MMUT: variants seen among roughly 807,000 people sequenced by gnomAD.
MMUT encodes methylmalonyl-CoA mutase, also known as methylmalonyl-CoA mutase, mitochondrial.
A neutral mutation model predicts 79.9 loss-of-function variants in MMUT; 79 were observed. That is an observed-to-expected ratio of 0.99 (90% CI 0.82 to 1.19). The LOEUF (loss-of-function observed/expected upper bound fraction) is 1.19, where lower values mean the gene tolerates loss of function less well. Ranked by LOEUF, MMUT falls within the 50% of genes most tolerant of loss-of-function variation. The pLI is 0.00. For missense variants in MMUT, 860 were observed against 917.2 expected (o/e 0.94, Z 0.81); for synonymous variants, 273 against 295.7 (o/e 0.92, Z 0.79).
rs887126161 is a variant in MMUT at position 49,448,840 on chromosome 6, G to A, written c.1420C>T (p.Arg474Ter). 6.8e-6 allele frequency: 11 copies of A among 1,613,018 alleles called. No individual in the cohort carries two copies. Among genetic ancestry groups the A allele is most frequent in the South Asian group, 2.2e-5 (2 of 91,030 alleles). ...CCAGAATCTATTCTAGCTTGTCTTC[G>A]GGCAGCACATTCTTCAATTCGAAGT... is the stretch of plus-strand genomic sequence containing the variant. ...PKLRIEECAA[R>*]RQARIDSGSE... The change falls in exon 7 of 13, where the codon CGA becomes TGA. Residue 474 changes from arginine (R) to a stop codon, truncating the protein, a stop_gained. Coordinates refer to ENST00000274813, the MANE Select transcript of MMUT (RefSeq NM_000255.4). LOFTEE classifies it high-confidence loss of function.
At chr6:49,451,414 C>A (rs1157833177) in intron 6 of MMUT, 52 bp downstream of exon 6, 4 of 1,583,216 alleles carry the variant, frequency 2.5e-6, no homozygotes, top group Admixed American at 3.4e-5. Flanking sequence ...ATCTATAAAT[C>A]TTTACAAATC....
At chr6:49,454,391 T>A (rs1767635535) in intron 4 of MMUT, among the ~76,000 whole-genome samples, 1 of 152,186 alleles carries the variant, frequency 6.6e-6, no homozygotes, top group South Asian at 2.1e-4. Context: ...CACTGCAACC[T>A]CCACTTCCCA....
At chr6:49,458,963 G>C in intron 2 of MMUT, 119 bp downstream of exon 2, 2 of 1,038,710 alleles carry the variant, frequency 1.9e-6, no homozygotes, top group South Asian at 1.7e-5. Context: ...TCAGAGTATA[G>C]TCTTTAACTA....
intron 6 of MMUT, among the ~76,000 whole-genome samples, chr6:49,449,212 A>C (rs900368834): frequency 6.6e-6 from 1 of 152,114 alleles, no homozygotes; most frequent in East Asian, 1.9e-4. Context: ...CTTTATTTTT[A>C]GGTACATAAA....
intron 1 of MMUT, among the ~76,000 whole-genome samples, chr6:49,462,356 C>T (rs1023755067): frequency 6.6e-6 from 1 of 152,182 alleles, no homozygotes; most frequent in Non-Finnish European, 1.5e-5. Flanking sequence ...CACATTAATA[C>T]TTCAAGAAGG....
At chr6:49,451,984 A>G (rs1033757784) in intron 5 of MMUT, among the ~76,000 whole-genome samples, 2 of 152,200 alleles carry the variant, frequency 1.3e-5, no homozygotes, top group Admixed American at 6.5e-5. Context: ...TTCTATAAGT[A>G]TATCAACAAT....
chr6:49,458,588 C>G (rs1440400289), intron 2 of MMUT, among the ~76,000 whole-genome samples: 2 of 152,178 alleles, frequency 1.3e-5, no homozygotes, highest in Non-Finnish European at 2.9e-5. Flanking sequence ...GCAATACAAA[C>G]TTATAAATCT....
intron 1 of MMUT, among the ~76,000 whole-genome samples, chr6:49,460,999 T>C (rs1316378862): frequency 6.6e-6 from 1 of 152,234 alleles, no homozygotes; most frequent in South Asian, 2.1e-4. Flanking sequence ...AAAATAGATG[T>C]TTCCTATAGT....
rs747589392 is a variant in MMUT, at chr6:49,448,845, G to C, written c.1415C>G (p.Ala472Gly). The change falls in exon 7 of 13, where the codon GCT (alanine) becomes GGT (glycine). Residue 472 changes from alanine to glycine, a missense_variant. Physicochemically the swap from Ala to Gly is moderately conservative, Grantham distance 60. Coordinates refer to ENST00000274813, the MANE Select transcript of MMUT (RefSeq NM_000255.4). Reference protein sequence around the residue: ...GIPKLRIEECAARRQARIDSG... With the variant: ...GIPKLRIEECGARRQARIDSG... ...ATCTATTCTAGCTTGTCTTCGGGCA[G>C]CACATTCTTCAATTCGAAGTTTAGG... The C allele has an allele frequency of 6.2e-7, 1 of 1,613,252 alleles. No homozygotes were observed. The highest frequency in any genetic ancestry group is 1.1e-5 in the South Asian group (1 of 91,062).
chr6:49,456,317 C>T (rs888669342), intron 3 of MMUT, 80 bp from the exon 4 acceptor site: 36 of 983,508 alleles, frequency 3.7e-5, no homozygotes, highest in Non-Finnish European at 5.2e-5. Flanking sequence ...TAAGCATAAA[C>T]ATTATTTTAA....
chr6:49,454,908 T>C (rs912539060), intron 4 of MMUT, among the ~76,000 whole-genome samples: 2 of 152,020 alleles, frequency 1.3e-5, no homozygotes, highest in Non-Finnish European at 2.9e-5. Flanking sequence ...TAGCCAGGTA[T>C]GGTGGCACAC....
intron 2 of MMUT, 60 bp downstream of exon 2, chr6:49,459,022 A>C: frequency 1.3e-6 from 2 of 1,536,258 alleles, no homozygotes; most frequent in Non-Finnish European, 1.8e-6. Context: ...CCCCCAAAAA[A>C]TAAAAAACTA....
intron 7 of MMUT, among the ~76,000 whole-genome samples, chr6:49,448,061 C>T (rs540014296): frequency 7.2e-5 from 11 of 151,864 alleles, no homozygotes; most frequent in Middle Eastern, 3.4e-3. Flanking sequence ...TTTAACACTT[C>T]GAAATAACAA....
chr6:49,443,104 G>T (rs1431211011), intron 9 of MMUT, among the ~76,000 whole-genome samples: 1 of 151,988 alleles, frequency 6.6e-6, no homozygotes, highest in African/African-American at 2.4e-5. Context: ...CATATATTGG[G>T]AGAAAATTTT....
At chr6:49,457,237 T>A (rs2127419754) in intron 3 of MMUT, among the ~76,000 whole-genome samples, 1 of 152,318 alleles carries the variant, frequency 6.6e-6, no homozygotes, top group Non-Finnish European at 1.5e-5. Context: ...TTCCCATCAT[T>A]CTTATTGGGA....
At chr6:49,431,970 A>T in intron 12 of MMUT, 114 bp from the exon 13 acceptor site, 1 of 1,223,188 alleles carries the variant, frequency 8.2e-7, no homozygotes, top group Non-Finnish European at 1.2e-6. Flanking sequence ...CAACTGGTAT[A>T]CTACTGGCAT....
At chr6:49,440,375 A>G (rs757999518) in intron 10 of MMUT, 22 bp from the exon 11 acceptor site, 15 of 1,610,622 alleles carry the variant, frequency 9.3e-6, no homozygotes, top group Non-Finnish European at 1.2e-5. Context: ...TTAAAAATAT[A>G]TCAGTAGTTA....
At chr6:49,440,532 C>T (rs889618893) in intron 10 of MMUT, among the ~76,000 whole-genome samples, 179 bp from the exon 11 acceptor site, 1 of 151,754 alleles carries the variant, frequency 6.6e-6, no homozygotes, top group Non-Finnish European at 1.5e-5. Context: ...GGTTAATGTG[C>T]AGGCTTGTTA....
chr6:49,435,814 T>G (rs1467981697), intron 11 of MMUT, among the ~76,000 whole-genome samples, 191 bp from the exon 12 acceptor site: 1 of 152,308 alleles, frequency 6.6e-6, no homozygotes, highest in African/African-American at 2.4e-5. Flanking sequence ...AAAAAGCATC[T>G]GCACTGAAAA....
Sources: allele counts gnomAD v4.1 joint callset (sites outside exome capture counted in the v4.1 genomes callset), GRCh38; gene constraint gnomAD v4.1.1; transcripts MANE v1.5; gene names NCBI Gene and HGNC (gene_info 2026-07-23, HGNC 2026-07-21).